Variants in CRPPA observed in about 807,000 individuals in gnomAD.
CRPPA encodes the protein D-ribitol-5-phosphate cytidylyltransferase.
A neutral mutation model predicts 52.0 loss-of-function variants in CRPPA; 43 were observed. The observed-to-expected ratio is 0.83, with a 90% CI of 0.65 to 1.07. The LOEUF (loss-of-function observed/expected upper bound fraction) is 1.07. CRPPA is among the 50% of genes least tolerant of loss of function. The pLI is 0.00. For synonymous variants in CRPPA, 250 were observed against 203.5 expected, an observed-to-expected ratio of 1.23 and a Z score of -1.94; for missense variants, 629 against 551.7, an observed-to-expected ratio of 1.14 and a Z score of -1.40.
intron 1 of CRPPA, among the ~76,000 whole-genome samples, chr7:16,413,057 G>T (rs1010418920): frequency 6.6e-6 from 1 of 152,190 alleles, no homozygotes; most frequent in Non-Finnish European, 1.5e-5. Context: ...GAGTTTGGCT[G>T]CAAGGGGACA....
intron 2 of CRPPA, among the ~76,000 whole-genome samples, chr7:16,403,150 A>C (rs1327403194): frequency 6.6e-6 from 1 of 152,140 alleles, no homozygotes; most frequent in African/African-American, 2.4e-5. Context: ...GGAAAAAAAC[A>C]GTTGTAGACT....
intron 8 of CRPPA, chr7:16,248,021 A>T (rs1460086845): frequency 1.3e-5 from 2 of 152,104 alleles, no homozygotes; most frequent in Non-Finnish European, 2.9e-5. Context: ...TTGAGACACA[A>T]TAGCAATGAA....
chr7:16,236,730 T>C (rs1393506197), intron 8 of CRPPA, among the ~76,000 whole-genome samples: 1 of 152,124 alleles, frequency 6.6e-6, no homozygotes, highest in East Asian at 1.9e-4. Context: ...TTTTCTGTTT[T>C]TATTTTTCAG....
intron 9 of CRPPA, among the ~76,000 whole-genome samples, chr7:16,150,768 G>T (rs547593231): frequency 6.6e-6 from 1 of 152,192 alleles, no homozygotes; most frequent in South Asian, 2.1e-4. Flanking sequence ...AGTCCTAGGG[G>T]CTGGGAAGTC....
chr7:16,309,475 CATCAGGAAGGCCT>C (rs1305703207), intron 3 of CRPPA, among the ~76,000 whole-genome samples: 1 of 152,144 alleles, frequency 6.6e-6, no homozygotes, highest in African/African-American at 2.4e-5. Context: ...TATGTGACGG[CATCAGGAAGGCCT>C]ATCAGAGGAA....
intron 9 of CRPPA, among the ~76,000 whole-genome samples, chr7:16,169,816 A>G (rs1372504919): frequency 6.6e-6 from 1 of 152,206 alleles, no homozygotes; most frequent in Non-Finnish European, 1.5e-5. Context: ...TGTTTTGACT[A>G]CTTAGACAAT....
intron 3 of CRPPA, among the ~76,000 whole-genome samples, chr7:16,337,780 A>G (rs1785724441): frequency 6.6e-6 from 1 of 152,152 alleles, no homozygotes; most frequent in African/African-American, 2.4e-5. Flanking sequence ...AAAAAAACAT[A>G]CATTCCTAAA....
chr7:16,158,155 A>G (rs1324766678), intron 9 of CRPPA, among the ~76,000 whole-genome samples: 1 of 151,240 alleles, frequency 6.6e-6, no homozygotes, highest in Non-Finnish European at 1.5e-5. Context: ...AAGTGCTGGG[A>G]TTACAGGCGT....
At chr7:16,213,711 T>C (rs1782218435) in intron 9 of CRPPA, among the ~76,000 whole-genome samples, 1 of 150,802 alleles carries the variant, frequency 6.6e-6, no homozygotes, top group Admixed American at 6.6e-5. Flanking sequence ...ATTGTGCCAT[T>C]GCGCTCCAGC....
At position 16,295,885 on chromosome 7, in the gene CRPPA, C is replaced by A. The variant is rs142284740; in HGVS notation, c.835+5536G>T. ...GATATTTACAAACTTATCAGTCAGT[C>A]CAGTGTCTTGTTGTACCAATTAATC... On this transcript the variant is annotated intron_variant, in intron 5 of 9. Transcript: ENST00000407010. Among the ~76,000 whole-genome samples, 1,158 of 152,100 alleles carry A rather than the reference C, an allele frequency of 7.6e-3. 16 individuals carry two copies. The highest frequency in any genetic ancestry group is 0.025 in the African/African-American group (1,045 of 41,504).
intron 2 of CRPPA, 45 bp downstream of exon 2, chr7:16,406,016 T>C: frequency 6.4e-7 from 1 of 1,570,068 alleles, no homozygotes; most frequent in Non-Finnish European, 8.7e-7. Flanking sequence ...TGAACCACAC[T>C]ACAGTGCTTG....
chr7:16,282,462 G>C (rs1784338908), intron 5 of CRPPA, among the ~76,000 whole-genome samples: 1 of 152,060 alleles, frequency 6.6e-6, no homozygotes, highest in African/African-American at 2.4e-5. Context: ...TCAAGAGATG[G>C]AGGAGGAGAA....
In CRPPA at chr7:16,133,666, T is replaced by G. The variant is rs1765390795; in HGVS notation, c.1252-41867A>C. 1.6e-5 allele frequency among the ~76,000 whole-genome samples: 2 copies of G among 124,090 alleles called. 1 individual carries two copies. Among genetic ancestry groups the G allele is most frequent in the Non-Finnish European group, 3.7e-5 (2 of 54,670 alleles). 81.4% of individuals were successfully genotyped at this position (124,090 alleles called of 152,430 possible). On this transcript the variant is annotated intron_variant, in intron 9 of 9. Transcript: ENST00000407010. The stretch of plus-strand genomic sequence containing the variant: ...CATGTTTAGTCTAATACTGTAAACC[T>G]TGCATAACACCATGGGAGCCATACA...
chr7:16,401,312 A>G (rs192251298), intron 2 of CRPPA, among the ~76,000 whole-genome samples: 8 of 152,324 alleles, frequency 5.3e-5, no homozygotes, highest in African/African-American at 9.6e-5. Flanking sequence ...TTTATTATTC[A>G]ACAGACTGAA....
intron 9 of CRPPA, among the ~76,000 whole-genome samples, chr7:16,143,561 A>C (rs1782914780): frequency 6.6e-6 from 1 of 152,222 alleles, no homozygotes; most frequent in Admixed American, 6.5e-5. Context: ...CTGGATACCT[A>C]ATTCTGACTG....
rs1291679240 is a variant in CRPPA at position 16,261,254 on chromosome 7, A to G, written c.934-2242T>C. 2.6e-5 allele frequency among the ~76,000 whole-genome samples: 4 copies of G among 152,250 alleles called. No individual in the cohort carries two copies. In the South Asian group the frequency reaches 6.2e-4, roughly 24 times the overall value. On this transcript the variant is annotated intron_variant, in intron 6 of 9. Transcript: ENST00000407010. Reference sequence around the variant, plus strand: ...TAGATAATTCATTTCCAGGAAGTTTAATTTCTAAAGGTTAAGAAGAGGTGC... The same window carrying G: ...TAGATAATTCATTTCCAGGAAGTTTGATTTCTAAAGGTTAAGAAGAGGTGC...
intron 5 of CRPPA, among the ~76,000 whole-genome samples, chr7:16,286,528 T>C (rs942772506): frequency 2.6e-5 from 4 of 152,048 alleles, no homozygotes; most frequent in African/African-American, 9.7e-5. Flanking sequence ...CTTCTCATGC[T>C]ATACAAAGCA....
At chr7:16,402,546 T>C (rs904453307) in intron 2 of CRPPA, among the ~76,000 whole-genome samples, 1 of 152,164 alleles carries the variant, frequency 6.6e-6, no homozygotes, top group Non-Finnish European at 1.5e-5. Context: ...CTATTGGCTA[T>C]AGTGTATAAA....
At chr7:16,109,878 T>C (rs1395051572) in intron 9 of CRPPA, among the ~76,000 whole-genome samples, 1 of 152,000 alleles carries the variant, frequency 6.6e-6, no homozygotes, top group Admixed American at 6.6e-5. Context: ...GCCTTTCTAC[T>C]AAGTTCCAAA....
Sources: allele counts gnomAD v4.1 joint callset (sites outside exome capture counted in the v4.1 genomes callset), GRCh38; gene constraint gnomAD v4.1.1; transcripts MANE v1.5; gene names NCBI Gene and HGNC (gene_info 2026-07-23, HGNC 2026-07-21).